The following EXOC6B variants were observed in gnomAD, a reference collection of about 807,000 sequenced individuals.
The protein encoded by EXOC6B is SEC15 homolog B.
In EXOC6B, 54 loss-of-function variants were observed where a neutral mutation model predicts 113.5. The ratio of observed to expected loss-of-function variants is 0.48; its 90% CI spans 0.38 to 0.60. EXOC6B has a LOEUF of 0.60. Ranked by LOEUF, EXOC6B falls within the 20% of genes least tolerant of loss-of-function variation. The pLI is 0.00. For missense variants in EXOC6B, 797 were observed against 977.5 expected (o/e 0.82, Z 2.46); for synonymous variants, 357 against 339.0 (o/e 1.05, Z -0.58).
chr2:72,670,159 T>C (rs980082443), intron 6 of EXOC6B, among the ~76,000 whole-genome samples: 8 of 152,234 alleles, frequency 5.3e-5, no homozygotes, highest in Non-Finnish European at 7.3e-5. Flanking sequence ...ACAAGGTATC[T>C]GTAAACAAGT....
At chr2:72,565,693 AC>A (rs1272946491) in intron 7 of EXOC6B, among the ~76,000 whole-genome samples, 2 of 152,172 alleles carry the variant, frequency 1.3e-5, no homozygotes, top group African/African-American at 4.8e-5. Context: ...TTATTAAGAT[AC>A]TCAACTTTAC....
At chr2:72,633,574 G>A (rs1672626812) in intron 6 of EXOC6B, among the ~76,000 whole-genome samples, 1 of 152,086 alleles carries the variant, frequency 6.6e-6, no homozygotes, top group Non-Finnish European at 1.5e-5. Context: ...AGCTCCTAGA[G>A]CTTCAGCATG....
intron 18 of EXOC6B, among the ~76,000 whole-genome samples, chr2:72,457,051 T>G (rs1287834277): frequency 6.7e-6 from 1 of 150,138 alleles, no homozygotes; most frequent in African/African-American, 2.4e-5. Flanking sequence ...CAGTTGGGTG[T>G]GCTTAACAAA....
intron 18 of EXOC6B, among the ~76,000 whole-genome samples, chr2:72,424,540 T>C (rs1425633679): frequency 1.3e-5 from 2 of 152,198 alleles, no homozygotes; most frequent in African/African-American, 4.8e-5. Flanking sequence ...TAAGTTGATA[T>C]TTAAACACAG....
At chr2:72,370,931 T>C (rs1185385414) in intron 19 of EXOC6B, among the ~76,000 whole-genome samples, 2 of 151,892 alleles carry the variant, frequency 1.3e-5, no homozygotes, top group Admixed American at 1.3e-4. Context: ...CACACCAACA[T>C]GGCACATGTA....
chr2:72,451,385 A>C (rs1696903080), intron 18 of EXOC6B, among the ~76,000 whole-genome samples: 1 of 152,192 alleles, frequency 6.6e-6, no homozygotes, highest in African/African-American at 2.4e-5. Flanking sequence ...GATTAAAGGC[A>C]ACTTAAGTAA....
At chr2:72,600,521 G>C (rs1670357770) in intron 6 of EXOC6B, among the ~76,000 whole-genome samples, 1 of 143,496 alleles carries the variant, frequency 7.0e-6, no homozygotes, top group Non-Finnish European at 1.5e-5. Context: ...TAAATCAAAA[G>C]AACAGAATAC....
At chr2:72,238,177 G>GTGCT (rs1682081484) in intron 20 of EXOC6B, among the ~76,000 whole-genome samples, 1 of 152,120 alleles carries the variant, frequency 6.6e-6, no homozygotes, top group Non-Finnish European at 1.5e-5. Context: ...GTGGCCTTTT[G>GTGCT]TGCTTGCTTC....
intron 20 of EXOC6B, among the ~76,000 whole-genome samples, chr2:72,258,503 C>T (rs1191217332): frequency 6.6e-6 from 1 of 150,998 alleles, no homozygotes; most frequent in Non-Finnish European, 1.5e-5. Context: ...AGCTGGGACA[C>T]AGGCATGAAC....
At chr2:72,735,677 A>T (rs935368018) in intron 2 of EXOC6B, among the ~76,000 whole-genome samples, 3 of 151,000 alleles carry the variant, frequency 2.0e-5, no homozygotes, top group Non-Finnish European at 4.4e-5. Flanking sequence ...TTAGCTGGGC[A>T]TGGTGGTGCA....
chr2:72,494,906 C>T (rs1219336244), intron 15 of EXOC6B, among the ~76,000 whole-genome samples: 7 of 152,130 alleles, frequency 4.6e-5, no homozygotes, highest in South Asian at 2.1e-4. Flanking sequence ...CACTCTAGCA[C>T]GTATAGAAAA....
At chr2:72,202,482 CCAGGACAGA>C (rs1679549749) in intron 20 of EXOC6B, among the ~76,000 whole-genome samples, 1 of 152,104 alleles carries the variant, frequency 6.6e-6, no homozygotes, top group African/African-American at 2.4e-5. Context: ...CTGTGTGAGC[CCAGGACAGA>C]CAGGTATTCT....
chr2:72,440,763 G>A (rs1696149237), intron 18 of EXOC6B, among the ~76,000 whole-genome samples: 1 of 152,076 alleles, frequency 6.6e-6, no homozygotes, highest in African/African-American at 2.4e-5. Flanking sequence ...AAGACTTATT[G>A]GTATGGTGTC....
chr2:72,408,774 C>T (rs908987450), intron 18 of EXOC6B, among the ~76,000 whole-genome samples: 3 of 152,124 alleles, frequency 2.0e-5, no homozygotes, highest in African/African-American at 7.2e-5. Flanking sequence ...TAGAAGAAAA[C>T]CTAGGCAATA....
chr2:72,715,299 A>T (rs2104705877), intron 6 of EXOC6B, among the ~76,000 whole-genome samples: 1 of 152,090 alleles, frequency 6.6e-6, no homozygotes, highest in South Asian at 2.1e-4. Context: ...AGGCAGTAAA[A>T]GACATATATA....
chr2:72,675,558 C>T (rs1417706120), intron 6 of EXOC6B, among the ~76,000 whole-genome samples: 3 of 152,024 alleles, frequency 2.0e-5, no homozygotes. Context: ...TTTGGGAGGC[C>T]GAGGCAGGTG....
chr2:72,519,530 A>G (rs1701382487), intron 8 of EXOC6B, among the ~76,000 whole-genome samples: 1 of 152,198 alleles, frequency 6.6e-6, no homozygotes, highest in African/African-American at 2.4e-5. Context: ...ATATTAAATA[A>G]CATGTCCTTA....
intron 8 of EXOC6B, among the ~76,000 whole-genome samples, chr2:72,545,873 A>G (rs1702869359): frequency 1.3e-5 from 2 of 152,238 alleles, no homozygotes; most frequent in Non-Finnish European, 2.9e-5. Context: ...AATAGCAACT[A>G]AAGTTCTTTA....
chr2:72,424,611 G>A (rs1035110739), intron 18 of EXOC6B, among the ~76,000 whole-genome samples: 9 of 151,660 alleles, frequency 5.9e-5, no homozygotes, highest in African/African-American at 1.2e-4. Flanking sequence ...TTTTAAAAAC[G>A]TATTTGTTTT....
Sources: gnomAD v4.1 joint callset for allele counts (sites outside exome capture counted in the v4.1 genomes callset) on GRCh38, gnomAD v4.1.1 for gene constraint, MANE v1.5 for transcripts, NCBI Gene and HGNC (gene_info 2026-07-23, HGNC 2026-07-21) for gene names.